Variants in NPAS3 observed in about 807,000 individuals in gnomAD.
NPAS3 encodes neuronal PAS domain protein 3.
Under a neutral mutation model 73.1 loss-of-function variants are expected in NPAS3, and 14 were observed. That is an observed-to-expected ratio of 0.19 (90% CI 0.13 to 0.30). The LOEUF (loss-of-function observed/expected upper bound fraction) is 0.30. Among genes scored for constraint, NPAS3 ranks in the 10% least tolerant of loss-of-function variants. The pLI is 1.00. For missense variants in NPAS3, 1,096 were observed against 1,250.0 expected, an observed-to-expected ratio of 0.88 and a Z score of 1.86; for synonymous variants, 620 against 541.5, an observed-to-expected ratio of 1.14 and a Z score of -2.01.
chr14:33,456,440 C>T (rs1017771994), intron 4 of NPAS3, among the ~76,000 whole-genome samples: 7 of 152,058 alleles, frequency 4.6e-5, no homozygotes, highest in African/African-American at 1.4e-4. Context: ...TGGGGCAGCT[C>T]TTTTAAGCAG....
chr14:33,214,752 C>G (rs1156404830), intron 2 of NPAS3: 1 of 156,638 alleles, frequency 6.4e-6, no homozygotes. Context: ...CAAAATAGTT[C>G]CTTTTGATGA....
At chr14:33,675,017 A>G (rs143103234) in intron 5 of NPAS3, among the ~76,000 whole-genome samples, 1 of 152,222 alleles carries the variant, frequency 6.6e-6, no homozygotes, top group African/African-American at 2.4e-5. Context: ...GGGATGCTGG[A>G]AATTATCCTG....
chr14:33,519,442 G>A (rs187657686), intron 4 of NPAS3, among the ~76,000 whole-genome samples: 10 of 152,184 alleles, frequency 6.6e-5, no homozygotes, highest in African/African-American at 2.4e-4. Flanking sequence ...GTAATTCCAA[G>A]TCTCGCCAGC....
At chr14:33,598,282 T>A (rs961221237) in intron 5 of NPAS3, among the ~76,000 whole-genome samples, 9 of 152,216 alleles carry the variant, frequency 5.9e-5, no homozygotes, top group African/African-American at 1.9e-4. Flanking sequence ...TGCCCAGAGC[T>A]TTCCATCTCA....
In NPAS3 at chr14:33,288,100, T is replaced by A. The variant is rs140761006; in HGVS notation, c.385+72674T>A. 3.9e-5 allele frequency among the ~76,000 whole-genome samples: 6 copies of A among 152,280 alleles called. No individual in the cohort carries two copies. The East Asian group carries it at 5.8e-4, about 15-fold the overall frequency. On this transcript the variant is annotated intron_variant, in intron 3 of 11. Coordinates refer to ENST00000356141, the Ensembl canonical transcript of NPAS3. ...TTGCAAACTTTCTATGAAATGGATG[T>A]TAGTCCAGAAGAGGAAACTGATTTA...
At chr14:33,068,087 G>A (rs1013987740) in intron 2 of NPAS3, among the ~76,000 whole-genome samples, 21 of 152,134 alleles carry the variant, frequency 1.4e-4, no homozygotes, top group Non-Finnish European at 2.5e-4. Flanking sequence ...CCTGCTCTAT[G>A]CAAAGCACCA....
chr14:32,984,699 T>TA (rs1339152373), intron 1 of NPAS3, among the ~76,000 whole-genome samples: 1 of 152,158 alleles, frequency 6.6e-6, no homozygotes, highest in Non-Finnish European at 1.5e-5. Flanking sequence ...GGAAACTCCT[T>TA]AAAAAAACAC....
At chr14:33,014,748 A>G (rs1462391117) in intron 1 of NPAS3, among the ~76,000 whole-genome samples, 1 of 152,236 alleles carries the variant, frequency 6.6e-6, no homozygotes, top group African/African-American at 2.4e-5. Flanking sequence ...TCCAAGAAGA[A>G]AAGAACACCA....
intron 6 of NPAS3, among the ~76,000 whole-genome samples, chr14:33,682,725 C>T (rs2059973862): frequency 6.6e-6 from 1 of 152,230 alleles, no homozygotes; most frequent in Admixed American, 6.5e-5. Flanking sequence ...CCTAGGCATA[C>T]TTATCACCTT....
intron 4 of NPAS3, among the ~76,000 whole-genome samples, chr14:33,452,966 G>A (rs10130492): frequency 0.75 from 114,561 of 151,986 alleles, 43,359 homozygotes; most frequent in Middle Eastern, 0.88. Flanking sequence ...AAAAATGAAA[G>A]GAAATTAGGT....
intron 2 of NPAS3, among the ~76,000 whole-genome samples, chr14:33,169,073 T>C (rs2045284629): frequency 6.6e-6 from 1 of 152,152 alleles, no homozygotes; most frequent in African/African-American, 2.4e-5. Flanking sequence ...TCTGGTGGAG[T>C]GGCATAAGAA....
intron 2 of NPAS3, among the ~76,000 whole-genome samples, chr14:33,160,751 A>G (rs950610391): frequency 1.4e-5 from 2 of 141,020 alleles, no homozygotes; most frequent in Non-Finnish European, 3.1e-5. Context: ...TTTTTGTTTT[A>G]AGTCACAGAA....
intron 2 of NPAS3, among the ~76,000 whole-genome samples, chr14:33,085,779 T>C (rs1421509387): frequency 2.6e-5 from 4 of 152,212 alleles, no homozygotes; most frequent in South Asian, 2.1e-4. Context: ...CATTTTGAAC[T>C]GAATTCATTA....
intron 1 of NPAS3, among the ~76,000 whole-genome samples, chr14:32,948,355 A>C (rs1040351588): frequency 1.5e-4 from 23 of 152,162 alleles, no homozygotes; most frequent in African/African-American, 5.3e-4. Context: ...TGGTTGGTTT[A>C]ATCCTGTTTG....
intron 4 of NPAS3, among the ~76,000 whole-genome samples, chr14:33,435,808 G>A (rs546751945): frequency 6.6e-6 from 1 of 152,284 alleles, no homozygotes; most frequent in South Asian, 2.1e-4. Context: ...TAATGAGTAT[G>A]ATGTTATATT....
At chr14:33,137,216 G>A (rs2043873805) in intron 2 of NPAS3, among the ~76,000 whole-genome samples, 1 of 152,174 alleles carries the variant, frequency 6.6e-6, no homozygotes. Context: ...AGGACATTAA[G>A]TGATAAAATG....
At chr14:33,279,239 C>G (rs1037756063) in intron 3 of NPAS3, among the ~76,000 whole-genome samples, 2 of 152,106 alleles carry the variant, frequency 1.3e-5, no homozygotes, top group African/African-American at 4.8e-5. Flanking sequence ...GCTCCTAGGG[C>G]AGAGCTCCTC....
At chr14:33,285,461 T>A (rs2041836219) in intron 3 of NPAS3, among the ~76,000 whole-genome samples, 1 of 152,192 alleles carries the variant, frequency 6.6e-6, no homozygotes. Flanking sequence ...ATAAACTCAA[T>A]GACCCATCTC....
chr14:33,541,486 T>C (rs964363663), intron 4 of NPAS3, among the ~76,000 whole-genome samples: 1 of 152,146 alleles, frequency 6.6e-6, no homozygotes, highest in Admixed American at 6.5e-5. Context: ...AGTCAGGTAA[T>C]TAAGATATCT....
Sources: allele counts gnomAD v4.1 joint callset (sites outside exome capture counted in the v4.1 genomes callset), GRCh38; gene constraint gnomAD v4.1.1; transcripts MANE v1.5; gene names NCBI Gene and HGNC (gene_info 2026-07-23, HGNC 2026-07-21).